The following ABCA10 variants were observed in gnomAD, a reference collection of about 807,000 sequenced individuals.
The protein encoded by ABCA10 is ATP-binding cassette sub-family A member 10.
Under a neutral mutation model 187.5 loss-of-function variants are expected in ABCA10, and 169 were observed. That is an observed-to-expected ratio of 0.90 (90% CI 0.80 to 1.02). The LOEUF is 1.02. Among genes scored for constraint, ABCA10 ranks in the 50% least tolerant of loss-of-function variants. The pLI, the probability that ABCA10 is intolerant of heterozygous loss-of-function variation, is 0.00. For missense variants in ABCA10, 1,727 were observed against 1,812.4 expected, an observed-to-expected ratio of 0.95 and a Z score of 0.86; for synonymous variants, 574 against 601.8, an observed-to-expected ratio of 0.95 and a Z score of 0.68.
chr17:69,194,359 C>A, intron 12 of ABCA10, 26 bp downstream of exon 12: 1 of 1,579,792 alleles, frequency 6.3e-7, no homozygotes, highest in Non-Finnish European at 8.7e-7. Context: ...TTTCAGCCAA[C>A]TTACTTTATA....
intron 1 of ABCA10, chr17:69,234,177 T>A (rs904891609): frequency 2.0e-5 from 3 of 152,382 alleles, no homozygotes; most frequent in African/African-American, 4.8e-5. Flanking sequence ...CTGGCTTCCC[T>A]CAGGATCTAT....
At chr17:69,191,878 C>T (rs570621179) in intron 16 of ABCA10, among the ~76,000 whole-genome samples, 61 of 152,298 alleles carry the variant, frequency 4.0e-4, no homozygotes, top group African/African-American at 1.4e-3. Context: ...GTATTTGATG[C>T]TTTCTAAAAT....
intron 9 of ABCA10, among the ~76,000 whole-genome samples, chr17:69,211,265 G>A (rs914701372): frequency 7.0e-6 from 1 of 143,544 alleles, no homozygotes. Flanking sequence ...TTTAATGGCT[G>A]AGTAGTATCC....
chr17:69,222,543 A>G lies in ABCA10; in HGVS notation c.189T>C (p.Ser63=), dbSNP rs780030698. 2 of 1,570,222 alleles carry G rather than the reference A, an allele frequency of 1.3e-6. No individual in the cohort carries two copies. The highest frequency in any genetic ancestry group is 1.4e-5 in the African/African-American group (1 of 72,020). Residue 63 remains serine (S), a synonymous_variant, in exon 4 of 39, where the codon TCT becomes TCC. Transcript: ENST00000690296. Reference sequence around the variant, plus strand: ...TTTTTTTATAGTTACCTGTGTATTCAGAGTGCTCCTTTATAACTGGGATTC... The same window carrying G: ...TTTTTTTATAGTTACCTGTGTATTCGGAGTGCTCCTTTATAACTGGGATTC... ...GYRIPVIKEH[S]EYTEHCWAMH...
intron 2 of ABCA10, 150 bp downstream of exon 2, chr17:69,226,995 C>G (rs956449846): frequency 1.3e-5 from 2 of 151,386 alleles, no homozygotes; most frequent in Non-Finnish European, 3.0e-5. Flanking sequence ...TATCGTTTTG[C>G]AGTATTTAGA....
At chr17:69,162,611 C>T (rs1333263710) in intron 27 of ABCA10, among the ~76,000 whole-genome samples, 2 of 152,082 alleles carry the variant, frequency 1.3e-5, no homozygotes, top group Non-Finnish European at 2.9e-5. Context: ...TTGGCTCCTT[C>T]TGAATTCTTT....
Position 69,208,307 on chromosome 17 carries a change from A to G in ABCA10, c.1006+6397T>C, listed in dbSNP as rs2074606996. 4.7e-5 allele frequency among the ~76,000 whole-genome samples: 7 copies of G among 150,436 alleles called. No individual in the cohort carries two copies. The South Asian group carries it at 1.5e-3, about 32-fold the overall frequency. ...GTGGCAGGTGCCTGTAGTCCTAGCTATTCGGGAGGCTGAGGCAGGAGAATG... is the reference window on the plus strand; with the variant it reads ...GTGGCAGGTGCCTGTAGTCCTAGCTGTTCGGGAGGCTGAGGCAGGAGAATG... On this transcript the variant is annotated intron_variant, in intron 9 of 38. Transcript: ENST00000690296.
intron 25 of ABCA10, among the ~76,000 whole-genome samples, chr17:69,166,761 T>A (rs151313229): frequency 1.2e-3 from 187 of 152,318 alleles, no homozygotes; most frequent in African/African-American, 4.2e-3. Context: ...AGCTCCCAGA[T>A]GCTATTAATA....
chr17:69,186,822 G>A (rs1442139926), intron 19 of ABCA10, among the ~76,000 whole-genome samples: 4 of 152,070 alleles, frequency 2.6e-5, no homozygotes, highest in Admixed American at 2.6e-4. Flanking sequence ...AAGTTATTTA[G>A]TTTTATATTC....
At chr17:69,203,875 G>C (rs970085676) in intron 9 of ABCA10, among the ~76,000 whole-genome samples, 1 of 152,160 alleles carries the variant, frequency 6.6e-6, no homozygotes, top group Admixed American at 6.5e-5. Context: ...ACAAAATACA[G>C]ATAGAGAAAA....
intron 17 of ABCA10, among the ~76,000 whole-genome samples, chr17:69,190,734 T>C (rs544247080): frequency 4.6e-5 from 7 of 152,012 alleles, no homozygotes; most frequent in Non-Finnish European, 7.4e-5. Flanking sequence ...TATAAGCATG[T>C]ATCTGTATGT....
Position 69,161,043 on chromosome 17 carries a change from A to G in ABCA10, c.3363+3031T>C, listed in dbSNP as rs116730929. ...ATGAATAGATTTTTTAAATTATGGT[A>G]TATACATATAATTCAATATTATTCA... On this transcript the variant is annotated intron_variant, in intron 27 of 38. Transcript: ENST00000690296. Among the ~76,000 whole-genome samples, 659 of 152,352 alleles carry G rather than the reference A, an allele frequency of 4.3e-3. 5 individuals carry two copies. Among genetic ancestry groups the G allele is most frequent in the African/African-American group, 0.015 (625 of 41,580 alleles).
intron 1 of ABCA10, among the ~76,000 whole-genome samples, chr17:69,235,363 A>G (rs2074860920): frequency 6.6e-6 from 1 of 152,116 alleles, no homozygotes; most frequent in African/African-American, 2.4e-5. Flanking sequence ...GTCCTTTTCA[A>G]CCTCTAGCTG....
Position 69,208,338 on chromosome 17 carries a change from A to C in ABCA10, c.1006+6366T>G, listed in dbSNP as rs572679368. Reference sequence around the variant, plus strand: ...GAGGCTGAGGCAGGAGAATGGCGTGAACCCGGGATGTGGAGCTTGCAGCGA... The same window carrying C: ...GAGGCTGAGGCAGGAGAATGGCGTGCACCCGGGATGTGGAGCTTGCAGCGA... On this transcript the variant is annotated intron_variant, in intron 9 of 38. Coordinates refer to ENST00000690296, the MANE Select transcript of ABCA10 (RefSeq NM_001377321.1). Among the ~76,000 whole-genome samples, 276 of 149,520 alleles carry C rather than the reference A, an allele frequency of 1.8e-3. 1 individual carries two copies. Among genetic ancestry groups the C allele is most frequent in the African/African-American group, 6.6e-3 (267 of 40,452 alleles).
At chr17:69,240,400 C>G (rs1055040361) in intron 1 of ABCA10, among the ~76,000 whole-genome samples, 1 of 152,148 alleles carries the variant, frequency 6.6e-6, no homozygotes, top group African/African-American at 2.4e-5. Context: ...GTAGCACTCT[C>G]AGAGGCAGGA....
rs150202416 is a variant in ABCA10, at chr17:69,207,548, T to C, written c.1007-5880A>G. Among the ~76,000 whole-genome samples, 66 of 152,262 alleles carry C rather than the reference T, an allele frequency of 4.3e-4. No homozygotes were observed. The East Asian group carries it at 6.2e-3, about 14-fold the overall frequency. ...ATTGTGAGATAGATATATATATATA[T>C]ACAATAGAATACTATTTAGCTTGTA... On this transcript the variant is annotated intron_variant, in intron 9 of 38. Coordinates refer to ENST00000690296, the MANE Select transcript of ABCA10 (RefSeq NM_001377321.1).
Position 69,175,415 on chromosome 17 carries a change from G to A in ABCA10, c.2868C>T (p.Ser956=), listed in dbSNP as rs779688829. 5 of 1,607,306 alleles carry A rather than the reference G, an allele frequency of 3.1e-6. No homozygotes were observed. The highest frequency in any genetic ancestry group is 1.1e-5 in the South Asian group (1 of 89,800). Residue 956 remains serine, a synonymous_variant, in exon 23 of 39, where the codon AGC becomes AGT. Coordinates refer to ENST00000690296, the MANE Select transcript of ABCA10 (RefSeq NM_001377321.1). ...TCTCTCTCCCTCTTACTTTATAATC[G>A]CTGATGCTGCTCATGCCGATAAAAG... ...VSPFIGMSSI[S]DYKKNVQSQL...
At chr17:69,233,144 A>C (rs1344008743), upstream of ABCA10, 1 of 152,110 alleles carries the variant, frequency 6.6e-6, no homozygotes, top group Non-Finnish European at 1.5e-5. Flanking sequence ...TTCTTTGAAT[A>C]ACCTTCACAC....
At chr17:69,220,522 A>T (rs1364522267) in intron 5 of ABCA10, among the ~76,000 whole-genome samples, 1 of 152,176 alleles carries the variant, frequency 6.6e-6, no homozygotes, top group Non-Finnish European at 1.5e-5. Flanking sequence ...GAGACAGAGA[A>T]AATTTTCTCT....
Sources: allele counts gnomAD v4.1 joint callset (sites outside exome capture counted in the v4.1 genomes callset), GRCh38; gene constraint gnomAD v4.1.1; transcripts MANE v1.5; gene names NCBI Gene and HGNC (gene_info 2026-07-23, HGNC 2026-07-21).